The following PPM1H variants were observed in gnomAD, a reference collection of about 807,000 sequenced individuals.
The protein encoded by PPM1H is protein phosphatase, Mg2+/Mn2+ dependent 1H, also known as protein phosphatase 1H.
In PPM1H, 27 loss-of-function variants were observed where a neutral mutation model predicts 54.9. That is an observed-to-expected ratio of 0.49 (90% CI 0.36 to 0.68). The LOEUF (loss-of-function observed/expected upper bound fraction) is 0.68, where lower values mean the gene tolerates loss of function less well. Among genes scored for constraint, PPM1H ranks in the 30% least tolerant of loss-of-function variants. PPM1H has a pLI of 0.00. For missense variants in PPM1H, 596 were observed against 667.8 expected, an observed-to-expected ratio of 0.89 and a Z score of 1.19; for synonymous variants, 305 against 270.8, an observed-to-expected ratio of 1.13 and a Z score of -1.24.
chr12:62,734,572 G>C (rs997812721), intron 5 of PPM1H, among the ~76,000 whole-genome samples: 1 of 152,172 alleles, frequency 6.6e-6, no homozygotes, highest in Non-Finnish European at 1.5e-5. Context: ...TGACATTTGG[G>C]AATCTGAAAA....
intron 4 of PPM1H, among the ~76,000 whole-genome samples, chr12:62,768,929 A>C (rs763512849): frequency 6.6e-6 from 1 of 152,150 alleles, no homozygotes; most frequent in Non-Finnish European, 1.5e-5. Context: ...TGGCTTTTTA[A>C]GCCTGTTACC....
chr12:62,935,087 GC>G lies in PPM1H; in HGVS notation c.-352del, dbSNP rs1872289793. ...TCGGCTCCGGCGTGCGCTGAACTGA[GC>G]CCACCCGGCGAGCTCGCGGAGCCGC... On this transcript the variant is annotated 5_prime_UTR_variant, in exon 1 of 10. Transcript: ENST00000228705. 1 of 162,668 alleles carries G rather than the reference GC, an allele frequency of 6.1e-6. No individual in the cohort carries two copies. Among genetic ancestry groups the G allele is most frequent in the East Asian group, 1.8e-4 (1 of 5,582 alleles). The allele number at this position is 162,668 out of a possible 1,614,324, so 10.1% of individuals were successfully genotyped here.
At chr12:62,831,775 A>G (rs963915544) in intron 2 of PPM1H, among the ~76,000 whole-genome samples, 3 of 148,176 alleles carry the variant, frequency 2.0e-5, no homozygotes, top group Admixed American at 6.7e-5. Flanking sequence ...ATATATACAC[A>G]CATATATATA....
chr12:62,760,760 T>G (rs1417550775), intron 4 of PPM1H, among the ~76,000 whole-genome samples: 2 of 152,234 alleles, frequency 1.3e-5, no homozygotes, highest in Non-Finnish European at 2.9e-5. Flanking sequence ...GTCATCCTAA[T>G]AGTTAGGCCA....
chr12:62,871,808 GC>G (rs1332813307), intron 1 of PPM1H, among the ~76,000 whole-genome samples: 2 of 152,080 alleles, frequency 1.3e-5, no homozygotes, highest in African/African-American at 4.8e-5. Flanking sequence ...GAGCCACCAT[GC>G]CTGGCCAAAA....
chr12:62,912,948 C>T (rs1050199852), intron 1 of PPM1H, among the ~76,000 whole-genome samples: 3 of 152,152 alleles, frequency 2.0e-5, no homozygotes, highest in African/African-American at 7.2e-5. Flanking sequence ...TCCACCATGT[C>T]CTTTACGGCT....
intron 8 of PPM1H, among the ~76,000 whole-genome samples, chr12:62,685,082 A>T (rs1254005817): frequency 1.3e-5 from 2 of 152,128 alleles, no homozygotes; most frequent in African/African-American, 2.4e-5. Flanking sequence ...TTTAACATGT[A>T]CAACAATTTT....
intron 5 of PPM1H, among the ~76,000 whole-genome samples, chr12:62,736,008 C>T (rs2076347693): frequency 6.6e-6 from 1 of 152,134 alleles, no homozygotes; most frequent in South Asian, 2.1e-4. Context: ...GCCAGGATTC[C>T]AGCAAGGCCA....
At chr12:62,765,468 T>C (rs1452785283) in intron 4 of PPM1H, among the ~76,000 whole-genome samples, 2 of 152,164 alleles carry the variant, frequency 1.3e-5, no homozygotes. Flanking sequence ...AAGCCTGCAA[T>C]GGTATCAACG....
At chr12:62,677,344 T>C (rs1453412535) in intron 8 of PPM1H, among the ~76,000 whole-genome samples, 1 of 152,150 alleles carries the variant, frequency 6.6e-6, no homozygotes, top group Non-Finnish European at 1.5e-5. Context: ...GCCTCCCTCT[T>C]GCCACACTGC....
intron 4 of PPM1H, among the ~76,000 whole-genome samples, chr12:62,752,368 T>A (rs560432758): frequency 1.3e-4 from 20 of 152,248 alleles, no homozygotes; most frequent in East Asian, 5.8e-4. Flanking sequence ...GAAAAAAAAA[T>A]TTTGTGACCT....
At chr12:62,670,639 G>A (rs561629406) in intron 8 of PPM1H, among the ~76,000 whole-genome samples, 3 of 152,260 alleles carry the variant, frequency 2.0e-5, no homozygotes, top group East Asian at 1.9e-4. Flanking sequence ...ACATACACAC[G>A]TTATAAAATG....
At position 62,824,574 on chromosome 12, in the gene PPM1H, C is replaced by T. The variant is rs141185926; in HGVS notation, c.411+7540G>A. On this transcript the variant is annotated intron_variant, in intron 2 of 9. Transcript: ENST00000228705. ...AGAGAGGCAGACCAATGAAACAGAA[C>T]AGAACCCTCAGAAATAACAACACAC... Among the ~76,000 whole-genome samples, 819 of 152,260 alleles carry T rather than the reference C, an allele frequency of 5.4e-3. 12 individuals carry two copies. Among genetic ancestry groups the T allele is most frequent in the African/African-American group, 0.019 (778 of 41,556 alleles).
rs192678758 is a variant in PPM1H, at chr12:62,685,242, C to G, written c.1245+4457G>C. Among the ~76,000 whole-genome samples the G allele has an allele frequency of 3.9e-5, 6 of 152,288 alleles. No individual in the cohort carries two copies. The East Asian group carries it at 1.2e-3, about 29-fold the overall frequency. ...TTTCCCAATTACCCTTTCTACTATA[C>G]CATCATTTTCCACAACTTCAATCTG... On this transcript the variant is annotated intron_variant, in intron 8 of 9. Transcript: ENST00000228705.
chr12:62,689,856 T>C (rs2076073808), intron 7 of PPM1H, 50 bp from the exon 8 acceptor site: 2 of 1,333,406 alleles, frequency 1.5e-6, no homozygotes, highest in Admixed American at 1.9e-5. Context: ...AGTGAAAGCA[T>C]CCCATTCCAG....
intron 9 of PPM1H, among the ~76,000 whole-genome samples, chr12:62,656,082 T>G (rs913575284): frequency 2.0e-5 from 3 of 152,228 alleles, no homozygotes; most frequent in Non-Finnish European, 4.4e-5. Context: ...CCACTGACTC[T>G]TAAAGTCAGG....
chr12:62,755,591 C>A, intron 4 of PPM1H: 1 of 658,712 alleles, frequency 1.5e-6, no homozygotes, highest in African/African-American at 1.8e-5. Flanking sequence ...ATCATCTCTG[C>A]CCCTTCTGCT....
intron 1 of PPM1H, among the ~76,000 whole-genome samples, chr12:62,873,396 A>G (rs1677415806): frequency 6.6e-6 from 1 of 152,232 alleles, no homozygotes; most frequent in Non-Finnish European, 1.5e-5. Context: ...GATCTGGGAT[A>G]TCACAGGGCA....
intron 9 of PPM1H, among the ~76,000 whole-genome samples, chr12:62,657,713 T>C (rs1388892257): frequency 6.6e-6 from 1 of 152,210 alleles, no homozygotes; most frequent in Admixed American, 6.5e-5. Context: ...TGGAAAGGTT[T>C]CATAAAAAGA....
Sources: gnomAD v4.1 joint callset for allele counts (sites outside exome capture counted in the v4.1 genomes callset) on GRCh38, gnomAD v4.1.1 for gene constraint, MANE v1.5 for transcripts, NCBI Gene and HGNC (gene_info 2026-07-23, HGNC 2026-07-21) for gene names.